OTOGL: variants seen among roughly 807,000 people sequenced by gnomAD.
The protein encoded by OTOGL is otogelin like.
In OTOGL, 285 loss-of-function variants were observed where a neutral mutation model predicts 318.5. The observed-to-expected ratio is 0.89, with a 90% confidence interval of 0.81 to 0.99. The LOEUF (loss-of-function observed/expected upper bound fraction) is 0.99. Among genes scored for constraint, OTOGL ranks in the 50% least tolerant of loss-of-function variants. The pLI is 0.00. For synonymous variants in OTOGL, 987 were observed against 936.5 expected (o/e 1.05, Z -0.99); for missense variants, 2,899 against 2,845.6 (o/e 1.02, Z -0.43).
chr12:80,296,824 C>A lies in OTOGL; in HGVS notation c.2929-3C>A. The A allele has an allele frequency of 6.9e-7, 1 of 1,453,846 alleles. No homozygotes were observed. Among genetic ancestry groups the A allele is most frequent in the Non-Finnish European group, 9.2e-7 (1 of 1,090,108 alleles). 90.1% of individuals were successfully genotyped at this position (1,453,846 alleles called of 1,614,324 possible). ...TATTAATAAAATATTTGTGACATTT[C>A]AGAGTGCAGATGATTCAGATATATC... is the stretch of plus-strand genomic sequence containing the variant. On this transcript the variant is annotated splice_polypyrimidine_tract_variant and splice_region_variant and intron_variant, in intron 26 of 58. Coordinates refer to ENST00000547103, the MANE Select transcript of OTOGL (RefSeq NM_001378609.3).
At chr12:80,199,052 T>C (rs1876284787) in intron 1 of OTOGL, among the ~76,000 whole-genome samples, 1 of 152,222 alleles carries the variant, frequency 6.6e-6, no homozygotes, top group Non-Finnish European at 1.5e-5. Context: ...CACACAATCC[T>C]GTTTATATTA....
chr12:80,310,185 G>T (rs1400244050), intron 29 of OTOGL, among the ~76,000 whole-genome samples: 2 of 152,188 alleles, frequency 1.3e-5, no homozygotes, highest in Non-Finnish European at 2.9e-5. Context: ...CAGTTTCAGG[G>T]AAGGGTATTA....
intron 29 of OTOGL, among the ~76,000 whole-genome samples, chr12:80,308,380 C>A (rs1249486581): frequency 6.6e-6 from 1 of 151,604 alleles, no homozygotes; most frequent in South Asian, 2.1e-4. Context: ...GGCGGCAGGG[C>A]AGAGGTGCTC....
At chr12:80,280,886 T>C (rs1485458081) in intron 26 of OTOGL, among the ~76,000 whole-genome samples, 5 of 152,008 alleles carry the variant, frequency 3.3e-5, no homozygotes, top group African/African-American at 1.2e-4. Context: ...TGTTTTGTAA[T>C]TCTTGTTGTA....
intron 1 of OTOGL, among the ~76,000 whole-genome samples, chr12:80,125,928 CTTT>C (rs1165247932): frequency 3.3e-5 from 5 of 152,034 alleles, no homozygotes; most frequent in Non-Finnish European, 7.4e-5. Flanking sequence ...ATTCTTCTCT[CTTT>C]TCTTCTTAAT....
At chr12:80,123,019 C>T (rs944147648) in intron 1 of OTOGL, among the ~76,000 whole-genome samples, 1 of 151,144 alleles carries the variant, frequency 6.6e-6, no homozygotes, top group Non-Finnish European at 1.5e-5. Context: ...TTTCCTTCAC[C>T]TGGTGATTTC....
At chr12:80,172,222 C>T (rs1874246733) in intron 1 of OTOGL, among the ~76,000 whole-genome samples, 1 of 152,100 alleles carries the variant, frequency 6.6e-6, no homozygotes, top group Non-Finnish European at 1.5e-5. Flanking sequence ...CCTAGTTTAT[C>T]AGTCTGACCC....
intron 1 of OTOGL, among the ~76,000 whole-genome samples, chr12:80,151,396 CTTCT>C (rs1235702841): frequency 6.6e-6 from 1 of 152,128 alleles, no homozygotes; most frequent in Admixed American, 6.5e-5. Context: ...CCATTACCTG[CTTCT>C]TTCTTTCTTA....
intron 1 of OTOGL, among the ~76,000 whole-genome samples, chr12:80,101,000 A>T (rs536839131): frequency 6.6e-6 from 1 of 152,314 alleles, no homozygotes; most frequent in South Asian, 2.1e-4. Flanking sequence ...GGTTCATAGT[A>T]CTGATCAAGC....
chr12:80,262,273 T>C (rs1882609998), intron 19 of OTOGL, among the ~76,000 whole-genome samples, 180 bp downstream of exon 19: 1 of 152,158 alleles, frequency 6.6e-6, no homozygotes, highest in East Asian at 1.9e-4. Context: ...TGTCTTTTCA[T>C]GTAATCTAGG....
intron 1 of OTOGL, among the ~76,000 whole-genome samples, chr12:80,187,982 G>A (rs895219454): frequency 6.6e-6 from 1 of 152,206 alleles, no homozygotes; most frequent in Admixed American, 6.5e-5. Context: ...TTACTGCCAT[G>A]TGCTCTAAAT....
At chr12:80,258,507 G>A (rs542088425) in intron 18 of OTOGL, among the ~76,000 whole-genome samples, 1 of 152,094 alleles carries the variant, frequency 6.6e-6, no homozygotes, top group African/African-American at 2.4e-5. Context: ...TACTGTGATT[G>A]TTGGTGTTTC....
At chr12:80,353,597 A>G in intron 46 of OTOGL, 87 bp downstream of exon 46, 1 of 1,086,000 alleles carries the variant, frequency 9.2e-7, no homozygotes, top group East Asian at 2.9e-5. Context: ...GTGCTAACAA[A>G]GGTTTATCAA....
At chr12:80,184,762 C>CAAAAGGAGGA (rs1875170978) in intron 1 of OTOGL, among the ~76,000 whole-genome samples, 1 of 152,144 alleles carries the variant, frequency 6.6e-6, no homozygotes, top group South Asian at 2.1e-4. Context: ...CATGAACAGA[C>CAAAAGGAGGA]AAAAGGAGGA....
intron 1 of OTOGL, among the ~76,000 whole-genome samples, chr12:80,144,791 T>G (rs1428607269): frequency 6.6e-6 from 1 of 152,214 alleles, no homozygotes; most frequent in African/African-American, 2.4e-5. Context: ...TTGATTTGCA[T>G]TTCTCTGATG....
In OTOGL at chr12:80,188,909, A is replaced by C. The variant is rs556682923; in HGVS notation, c.-19-20504A>C. On this transcript the variant is annotated intron_variant, in intron 1 of 58. Coordinates refer to ENST00000547103, the MANE Select transcript of OTOGL (RefSeq NM_001378609.3). ...TTTTTAATCTTCTAAGGATTTTATA[A>C]TTTATAATTAGCCATGTCTCTCCCT... 3.3e-5 allele frequency among the ~76,000 whole-genome samples: 5 copies of C among 152,272 alleles called. No individual in the cohort carries two copies. The East Asian group carries it at 9.6e-4, about 29-fold the overall frequency.
At chr12:80,171,810 A>G (rs1874222583) in intron 1 of OTOGL, among the ~76,000 whole-genome samples, 1 of 152,158 alleles carries the variant, frequency 6.6e-6, no homozygotes, top group Non-Finnish European at 1.5e-5. Flanking sequence ...TCTCAATTTT[A>G]TAGATCTTTT....
rs1405454647 is a variant in OTOGL, at chr12:80,233,102, G to A, written c.817+5G>A. On this transcript the variant is annotated splice_donor_5th_base_variant and intron_variant, in intron 9 of 58. Coordinates refer to ENST00000547103, the MANE Select transcript of OTOGL (RefSeq NM_001378609.3). ...ATGATTTCATAATTCTGCAAGGTAA[G>A]TGAAGCAGAATAAATGTGTGGGTAC... 2 of 1,582,146 alleles carry A rather than the reference G, an allele frequency of 1.3e-6. No homozygotes were observed. Among genetic ancestry groups the A allele is most frequent in the East Asian group, 4.5e-5 (2 of 44,744 alleles).
intron 30 of OTOGL, among the ~76,000 whole-genome samples, chr12:80,312,427 T>A (rs1886696447): frequency 6.6e-6 from 1 of 152,188 alleles, no homozygotes; most frequent in South Asian, 2.1e-4. Flanking sequence ...TGTAAACATA[T>A]AGGGTTTATT....
Sources: gnomAD v4.1 joint callset for allele counts (sites outside exome capture counted in the v4.1 genomes callset) on GRCh38, gnomAD v4.1.1 for gene constraint, MANE v1.5 for transcripts, NCBI Gene and HGNC (gene_info 2026-07-23, HGNC 2026-07-21) for gene names.